The following USP34 variants were observed in gnomAD, a reference collection of about 807,000 sequenced individuals.
USP34 encodes the protein ubiquitin carboxyl-terminal hydrolase 34.
USP34 carries 70 observed loss-of-function variants against 460.3 expected under a neutral mutation model. That is an observed-to-expected ratio of 0.15 (90% CI 0.13 to 0.19). USP34 has a LOEUF of 0.19. Ranked by LOEUF, USP34 falls within the 10% of genes least tolerant of loss-of-function variation. The pLI is 1.00. For synonymous variants in USP34, 1,647 were observed against 1,405.3 expected, an observed-to-expected ratio of 1.17 and a Z score of -3.85; for missense variants, 3,985 against 4,236.2, an observed-to-expected ratio of 0.94 and a Z score of 1.65.
At position 61,226,432 on chromosome 2, in the gene USP34, T is replaced by G. The variant is rs190820581; in HGVS notation, c.7595+635A>C. Reference sequence around the variant, plus strand: ...AAATCCACAAATAATGAGGTTTGGTTGTACATACACATACACACACACACA... The same window carrying G: ...AAATCCACAAATAATGAGGTTTGGTGGTACATACACATACACACACACACA... On this transcript the variant is annotated intron_variant, in intron 62 of 79. Coordinates refer to ENST00000398571, the MANE Select transcript of USP34 (RefSeq NM_014709.4). 8.5e-5 allele frequency among the ~76,000 whole-genome samples: 13 copies of G among 152,302 alleles called. 1 individual carries two copies. The East Asian group carries it at 2.3e-3, about 27-fold the overall frequency.
At chr2:61,455,287 T>G (rs1481372496) in intron 1 of USP34, among the ~76,000 whole-genome samples, 2 of 152,094 alleles carry the variant, frequency 1.3e-5, no homozygotes, top group Non-Finnish European at 2.9e-5. Context: ...CAAGCAATTC[T>G]CATGCCTCAG....
intron 39 of USP34, among the ~76,000 whole-genome samples, chr2:61,279,635 T>C (rs1689476592): frequency 6.6e-6 from 1 of 152,104 alleles, no homozygotes; most frequent in Admixed American, 6.5e-5. Flanking sequence ...CCAGCTAATT[T>C]TTGCATTTTT....
intron 2 of USP34, among the ~76,000 whole-genome samples, chr2:61,410,882 A>G (rs1371089925): frequency 6.6e-6 from 1 of 152,188 alleles, no homozygotes; most frequent in Non-Finnish European, 1.5e-5. Flanking sequence ...AACACTGGAA[A>G]GGCTCAGGAC....
chr2:61,322,160 G>A (rs1344811376), intron 21 of USP34, among the ~76,000 whole-genome samples: 2 of 152,164 alleles, frequency 1.3e-5, no homozygotes, highest in Non-Finnish European at 2.9e-5. Context: ...AACCAGGGAG[G>A]TGGAGGTTGC....
chr2:61,249,304 C>G (rs566097671), intron 48 of USP34, among the ~76,000 whole-genome samples: 1 of 152,130 alleles, frequency 6.6e-6, no homozygotes, highest in South Asian at 2.1e-4. Flanking sequence ...TACAATACTG[C>G]GAAGGTAACC....
intron 1 of USP34, among the ~76,000 whole-genome samples, chr2:61,441,802 C>CAAAAAAAAAAAAGAAAAAAAAAAAAAAAA (rs1694971759): frequency 1.0e-5 from 1 of 97,336 alleles, no homozygotes; most frequent in Non-Finnish European, 2.1e-5. Flanking sequence ...GACTGCATTA[C>CAAAAAAAAAAAAGAAAAAAAAAAAAAAAA]AAAAAAAAAA....
rs1398120154 is a variant in USP34, at chr2:61,300,967, G to A, written c.4112C>T (p.Ala1371Val). ...CATAGTCACCTCACTATCATCCACT[G>A]CCACTTTTCCTGAGGGTGGTTTAAA... ...ASFKPPSGKV[A>V]VDDSESLRCE... The change falls in exon 29 of 80, where the codon GCA becomes GTA. Residue 1371 changes from alanine (A) to valine (V), a missense_variant. By Grantham distance (64) the Ala-to-Val change is moderately conservative (BLOSUM62 0). This residue lies in a region of USP34 where 1,114 missense variants were observed against 1,122.5 expected (regional missense o/e 0.99). Transcript: ENST00000398571. The A allele has an allele frequency of 6.2e-7, 1 of 1,611,606 alleles. No individual in the cohort carries two copies. Among genetic ancestry groups the A allele is most frequent in the Non-Finnish European group, 8.5e-7 (1 of 1,178,984 alleles).
intron 62 of USP34, among the ~76,000 whole-genome samples, chr2:61,225,630 G>A (rs1050032647): frequency 6.6e-6 from 1 of 152,000 alleles, no homozygotes; most frequent in Non-Finnish European, 1.5e-5. Flanking sequence ...ATTTGAGGTA[G>A]TTGTGTTCTA....
chr2:61,432,429 A>G (rs1694705373), intron 1 of USP34, among the ~76,000 whole-genome samples: 1 of 152,148 alleles, frequency 6.6e-6, no homozygotes, highest in South Asian at 2.1e-4. Context: ...GTGAACCAGG[A>G]GCATGCCACT....
At chr2:61,281,064 T>C (rs781127708) in intron 38 of USP34, 26 bp downstream of exon 38, 4 of 1,594,284 alleles carry the variant, frequency 2.5e-6, no homozygotes, top group East Asian at 2.2e-5. Flanking sequence ...AAATAGAAAC[T>C]GCTTCTAAAC....
chr2:61,273,861 T>G (rs570041980), intron 41 of USP34, among the ~76,000 whole-genome samples: 42 of 152,144 alleles, frequency 2.8e-4, no homozygotes, highest in Non-Finnish European at 5.7e-4. Flanking sequence ...GAAGCATTTG[T>G]AATCAGTAGA....
chr2:61,244,906 C>T (rs559087081), intron 51 of USP34, among the ~76,000 whole-genome samples: 4 of 151,888 alleles, frequency 2.6e-5, no homozygotes, highest in South Asian at 2.1e-4. Flanking sequence ...TTGCTCTGAT[C>T]CCACAGAATT....
rs370180925 is a variant in USP34, at chr2:61,348,269, T to A, written c.1886A>T (p.His629Leu). Residue 629 changes from histidine to leucine, a missense_variant, in exon 15 of 80, where the codon CAT becomes CTT. Coordinates refer to ENST00000398571, the MANE Select transcript of USP34 (RefSeq NM_014709.4). The part of the protein sequence containing the change: ...ALKEEDEDDD[H>L]GHNPPKSSCG... ...ACTGCTTTTGGGAGGATTATGACCA[T>A]GATCATCGTCTTCATCTTCCTCTTT... 1.9e-6 allele frequency: 3 copies of A among 1,614,112 alleles called. No homozygotes were observed. Among genetic ancestry groups the A allele is most frequent in the Middle Eastern group, 1.6e-4 (1 of 6,084 alleles).
Position 61,389,813 on chromosome 2 carries a change from CCCT to C in USP34, c.753+5037_753+5039del, listed in dbSNP as rs551023622. On this transcript the variant is annotated intron_variant, in intron 5 of 79. Coordinates refer to ENST00000398571, the MANE Select transcript of USP34 (RefSeq NM_014709.4). ...CTTAGTGCTAATGGAATTCTAGCAG[CCCT>C]CCTAACCTTTTAACCTAGGTTAAAA... Among the ~76,000 whole-genome samples the C allele has an allele frequency of 1.3e-4, 20 of 151,926 alleles. No individual in the cohort carries two copies. The South Asian group carries it at 3.5e-3, about 27-fold the overall frequency.
chr2:61,417,685 A>C (rs185933715), intron 2 of USP34, among the ~76,000 whole-genome samples: 342 of 150,642 alleles, frequency 2.3e-3, no homozygotes, highest in Non-Finnish European at 3.8e-3. Context: ...GTATCATTTA[A>C]ATAAGAAAAA....
intron 1 of USP34, among the ~76,000 whole-genome samples, chr2:61,451,766 A>T (rs2104065980): frequency 6.6e-6 from 1 of 152,308 alleles, no homozygotes; most frequent in South Asian, 2.1e-4. Flanking sequence ...ATTTGCTAAA[A>T]TCACTAAGTC....
chr2:61,300,117 G>C (rs1354035510), intron 29 of USP34, among the ~76,000 whole-genome samples: 2 of 152,132 alleles, frequency 1.3e-5, no homozygotes, highest in African/African-American at 2.4e-5. Flanking sequence ...TACTGACTTT[G>C]TTACTTTCTC....
intron 61 of USP34, 99 bp downstream of exon 61, chr2:61,228,546 A>T: frequency 9.9e-7 from 1 of 1,011,994 alleles, no homozygotes; most frequent in African/African-American, 1.7e-5. Flanking sequence ...CAGGTTCCAG[A>T]AGGGACTTTA....
At chr2:61,243,069 C>T (rs2103861793) in intron 51 of USP34, among the ~76,000 whole-genome samples, 1 of 152,176 alleles carries the variant, frequency 6.6e-6, no homozygotes, top group East Asian at 1.9e-4. Flanking sequence ...TGGTCTCGAA[C>T]TCCTGACCTC....
Sources: allele counts gnomAD v4.1 joint callset (sites outside exome capture counted in the v4.1 genomes callset), GRCh38; gene constraint gnomAD v4.1.1; regional missense constraint gnomAD v4.1.1; transcripts MANE v1.5; gene names NCBI Gene and HGNC (gene_info 2026-07-23, HGNC 2026-07-21).